IFT140: variants seen among roughly 807,000 people sequenced by gnomAD.
The protein encoded by IFT140 is intraflagellar transport protein 140 homolog.
In IFT140, 133 loss-of-function variants were observed where a neutral mutation model predicts 164.6. That is an observed-to-expected ratio of 0.81 (90% CI 0.70 to 0.93). IFT140 has a LOEUF of 0.93. Ranked by LOEUF, IFT140 falls within the 40% of genes least tolerant of loss-of-function variation. The pLI, the probability that IFT140 is intolerant of heterozygous loss-of-function variation, is 0.00. For missense variants in IFT140, 2,045 were observed against 1,972.3 expected (o/e 1.04, Z -0.70); for synonymous variants, 860 against 817.3 (o/e 1.05, Z -0.89).
chr16:1,558,675 G>A (rs1203595296), intron 18 of IFT140, among the ~76,000 whole-genome samples: 2 of 152,330 alleles, frequency 1.3e-5, no homozygotes, highest in East Asian at 3.9e-4. Flanking sequence ...CCAACTGCTT[G>A]CCTCTTCTTT....
chr16:1,541,866 G>A (rs747268252), intron 19 of IFT140: 35 of 1,495,772 alleles, frequency 2.3e-5, no homozygotes, highest in Admixed American at 1.1e-4. Context: ...GACGGCTGGC[G>A]TGGCCTCTGG....
intron 14 of IFT140, 110 bp from the exon 15 acceptor site, chr16:1,568,444 C>A: frequency 1.1e-6 from 1 of 872,272 alleles, no homozygotes; most frequent in Non-Finnish European, 1.8e-6. Flanking sequence ...TCTTAGGCTG[C>A]TTCTCACCCT....
At chr16:1,584,459 G>C in intron 10 of IFT140, 39 bp from the exon 11 acceptor site, 1 of 1,514,560 alleles carries the variant, frequency 6.6e-7, no homozygotes, top group South Asian at 1.2e-5. Context: ...CCAGATGTGT[G>C]AACAGAGCAG....
At chr16:1,545,763 G>A (rs896380011) in intron 19 of IFT140, among the ~76,000 whole-genome samples, 3 of 152,224 alleles carry the variant, frequency 2.0e-5, no homozygotes, top group Non-Finnish European at 4.4e-5. Flanking sequence ...TGAAAGGAAG[G>A]CTCCTTGTCA....
rs2040099019 is a variant in IFT140 at position 1,510,464 on chromosome 16, T to C, written c.*480A>G. On this transcript the variant is annotated 3_prime_UTR_variant, in exon 31 of 31. Coordinates refer to ENST00000426508, the MANE Select transcript of IFT140 (RefSeq NM_014714.4). ...AACTGCTTTATTGGAATTACAGGAG[T>C]GTTGGTGGCCGGTGGGCAGAGCCTA... The C allele has an allele frequency of 4.5e-6, 1 of 221,416 alleles. No individual in the cohort carries two copies. Among genetic ancestry groups the C allele is most frequent in the South Asian group, 6.2e-5 (1 of 16,222 alleles). The allele number at this position is 221,416 out of a possible 1,614,324, so 13.7% of individuals were successfully genotyped here.
Position 1,511,137 on chromosome 16 carries a change from A to G in IFT140, c.4196T>C (p.Leu1399Pro), listed in dbSNP as rs559371453. ...GGGAAGCCGCCGCCGCATCTCCTCC[A>G]GGAATCTGTAGGCCTGGGGCAGAGG... is the stretch of plus-strand genomic sequence containing the variant. ...KEEYQTAYRF[L>P]EEMRRRLPLA... The change falls in exon 31 of 31, where the codon CTG becomes CCG. Residue 1399 changes from leucine (L) to proline (P), a missense_variant. Physicochemically the swap from Leu to Pro is moderately conservative, Grantham distance 98. Coordinates refer to ENST00000426508, the MANE Select transcript of IFT140 (RefSeq NM_014714.4). 4.4e-6 allele frequency: 7 copies of G among 1,606,728 alleles called. No homozygotes were observed. In the East Asian group the frequency reaches 9.0e-5, roughly 21 times the overall value.
At chr16:1,606,250 A>T (rs1567433682) in intron 3 of IFT140, among the ~76,000 whole-genome samples, 1 of 152,250 alleles carries the variant, frequency 6.6e-6, no homozygotes, top group Non-Finnish European at 1.5e-5. Flanking sequence ...GCACTGACAG[A>T]GGAAGATGCC....
chr16:1,611,339 T>C (rs2036311280), intron 1 of IFT140, among the ~76,000 whole-genome samples: 1 of 152,002 alleles, frequency 6.6e-6, no homozygotes, highest in African/African-American at 2.4e-5. Flanking sequence ...ATCCTGTCTC[T>C]AAAAAATTAC....
chr16:1,518,439 G>C, intron 29 of IFT140, 82 bp from the exon 30 acceptor site: 2 of 1,378,306 alleles, frequency 1.5e-6, no homozygotes, highest in Non-Finnish European at 1.9e-6. Context: ...CTCTTGGCCT[G>C]TAAGAGGAGC....
intron 20 of IFT140, 26 bp downstream of exon 20, chr16:1,526,593 C>T: frequency 1.3e-6 from 2 of 1,499,222 alleles, no homozygotes; most frequent in Non-Finnish European, 1.8e-6. Flanking sequence ...TGCCTTCCCA[C>T]CCACCCCATG....
intron 26 of IFT140, among the ~76,000 whole-genome samples, chr16:1,522,542 CAAAA>C (rs1215766089): frequency 6.6e-6 from 1 of 151,408 alleles, no homozygotes; most frequent in Admixed American, 6.6e-5. Flanking sequence ...TTTCAAAAAA[CAAAA>C]AGAGAATATG....
intron 19 of IFT140, among the ~76,000 whole-genome samples, chr16:1,549,857 C>T (rs1395654256): frequency 6.6e-6 from 1 of 152,244 alleles, no homozygotes; most frequent in Non-Finnish European, 1.5e-5. Context: ...TGATCTGCCA[C>T]CTTGATTACT....
chr16:1,554,336 G>A (rs1276444197), intron 19 of IFT140, among the ~76,000 whole-genome samples: 2 of 152,226 alleles, frequency 1.3e-5, no homozygotes, highest in African/African-American at 4.8e-5. Context: ...AATGAATTAA[G>A]CATTTACAAA....
At chr16:1,600,403 G>T (rs983074010) in intron 4 of IFT140, among the ~76,000 whole-genome samples, 1 of 144,436 alleles carries the variant, frequency 6.9e-6, no homozygotes, top group Non-Finnish European at 1.5e-5. Context: ...ATTGTCCCAT[G>T]ACCCTGCCAA....
At chr16:1,588,098 T>G in intron 7 of IFT140, 74 bp from the exon 8 acceptor site, 3 of 1,216,530 alleles carry the variant, frequency 2.5e-6, no homozygotes, top group Non-Finnish European at 3.6e-6. Flanking sequence ...GAGCCTGGAG[T>G]CTCTGGTCCT....
At chr16:1,527,081 C>A in intron 19 of IFT140, 1 of 452,510 alleles carries the variant, frequency 2.2e-6, no homozygotes, top group Non-Finnish European at 3.9e-6. Context: ...TCCTTTTTCC[C>A]TGCTCTAAGC....
chr16:1,555,581 C>G (rs1423882426), intron 19 of IFT140: 1 of 155,096 alleles, frequency 6.4e-6, no homozygotes, highest in African/African-American at 2.4e-5. Context: ...CTGTCTATAA[C>G]TTGTGTTCTA....
intron 30 of IFT140, among the ~76,000 whole-genome samples, chr16:1,513,669 T>A (rs1420439766): frequency 1.1e-5 from 1 of 87,564 alleles, no homozygotes; most frequent in Non-Finnish European, 2.2e-5. Context: ...TCTCACAACT[T>A]TCTTTTTTTT....
Position 1,602,436 on chromosome 16 carries a change from T to C in IFT140, c.303A>G (p.Thr101=). The change falls in exon 4 of 31, where the codon ACA becomes ACG. Residue 101 remains threonine, a synonymous_variant. Transcript: ENST00000426508. ...QDKEQHTMPL[T]HTADITVLRW... Reference sequence around the variant, plus strand: ...GGAGCACGGTGATGTCGGCTGTGTGTGTCAGGGGCATCGTGTGCTGCTCCT... The same window carrying C: ...GGAGCACGGTGATGTCGGCTGTGTGCGTCAGGGGCATCGTGTGCTGCTCCT... 1.2e-6 allele frequency: 2 copies of C among 1,614,220 alleles called. No individual in the cohort carries two copies. Among genetic ancestry groups the C allele is most frequent in the Non-Finnish European group, 1.7e-6 (2 of 1,180,040 alleles).
Sources: gnomAD v4.1 joint callset for allele counts (sites outside exome capture counted in the v4.1 genomes callset) on GRCh38, gnomAD v4.1.1 for gene constraint, MANE v1.5 for transcripts, NCBI Gene and HGNC (gene_info 2026-07-23, HGNC 2026-07-21) for gene names.